MRTFB: variants seen among roughly 807,000 people sequenced by gnomAD.
The protein encoded by MRTFB is myocardin-related transcription factor B.
In MRTFB, 29 loss-of-function variants were observed where a neutral mutation model predicts 104.2. The ratio of observed to expected loss-of-function variants is 0.28; its 90% CI spans 0.21 to 0.38. MRTFB has a LOEUF of 0.38. MRTFB is among the 10% of genes least tolerant of loss of function. The pLI is 1.00. For synonymous variants in MRTFB, 535 were observed against 519.5 expected, an observed-to-expected ratio of 1.03 and a Z score of -0.41; for missense variants, 1,270 against 1,341.6, an observed-to-expected ratio of 0.95 and a Z score of 0.83.
chr16:14,233,504 T>C lies in MRTFB; in HGVS notation c.694-642T>C, dbSNP rs564691040. Reference sequence around the variant, plus strand: ...AAAGGGACTTTATGAATACCATGTATTGACCAGGCACAGTGGCTCATGGGT... The same window carrying C: ...AAAGGGACTTTATGAATACCATGTACTGACCAGGCACAGTGGCTCATGGGT... On this transcript the variant is annotated intron_variant, in intron 8 of 16. Coordinates refer to ENST00000571589, the MANE Select transcript of MRTFB (RefSeq NM_001308142.2). 2.4e-4 allele frequency among the ~76,000 whole-genome samples: 37 copies of C among 152,182 alleles called. No homozygotes were observed. In the South Asian group the frequency reaches 7.3e-3, roughly 30 times the overall value.
At chr16:14,179,917 C>G (rs1207232684) in intron 3 of MRTFB, among the ~76,000 whole-genome samples, 1 of 152,176 alleles carries the variant, frequency 6.6e-6, no homozygotes, top group Non-Finnish European at 1.5e-5. Context: ...CGGTGAGACG[C>G]TCAAGTGCAT....
Position 14,218,951 on chromosome 16 carries a change from A to C in MRTFB, c.646A>C (p.Lys216Gln). Residue 216 changes from lysine to glutamine, a missense_variant, in exon 8 of 17, where the codon AAA (lysine) becomes CAA (glutamine). By Grantham distance (53) the Lys-to-Gln change is moderately conservative (BLOSUM62 1). Coordinates refer to ENST00000571589, the MANE Select transcript of MRTFB (RefSeq NM_001308142.2). ...GTCAGCCGCGTCCCCAAGTGAGCCA[A>C]AAGTTAGTGAATCGCCATCTCCTGT... The part of the protein sequence containing the change: ...QGSAASPSEP[K>Q]VSESPSPVTT... 6.2e-7 allele frequency: 1 copy of C among 1,614,110 alleles called. No individual in the cohort carries two copies. Among genetic ancestry groups the C allele is most frequent in the Non-Finnish European group, 8.5e-7 (1 of 1,179,988 alleles).
At chr16:14,115,523 G>T (rs533470320) in intron 2 of MRTFB, among the ~76,000 whole-genome samples, 1 of 152,228 alleles carries the variant, frequency 6.6e-6, no homozygotes, top group African/African-American at 2.4e-5. Context: ...CCTTGTACAG[G>T]TCCTCAACAC....
intron 3 of MRTFB, among the ~76,000 whole-genome samples, chr16:14,149,829 T>C (rs2038522246): frequency 6.6e-6 from 1 of 152,188 alleles, no homozygotes; most frequent in African/African-American, 2.4e-5. Flanking sequence ...TGTGGATAAC[T>C]GAAAAAGAAG....
intron 9 of MRTFB, among the ~76,000 whole-genome samples, chr16:14,234,589 T>A (rs1221424687): frequency 6.6e-6 from 1 of 151,412 alleles, no homozygotes; most frequent in East Asian, 1.9e-4. Context: ...AGGCCAGGAG[T>A]TTAAGAACAG....
chr16:14,260,816 G>T, intron 16 of MRTFB, 93 bp from the exon 17 acceptor site: 3 of 1,052,378 alleles, frequency 2.9e-6, no homozygotes, highest in Non-Finnish European at 4.1e-6. Flanking sequence ...AGAAGGAATC[G>T]CATAATAGCA....
chr16:14,200,532 G>C (rs2040647958), intron 3 of MRTFB: 1 of 1,608,822 alleles, frequency 6.2e-7, no homozygotes, highest in Non-Finnish European at 8.5e-7. Context: ...TTGCTCAGCA[G>C]CAGCTTTATT....
intron 1 of MRTFB, among the ~76,000 whole-genome samples, chr16:14,073,769 C>G (rs1328817726): frequency 6.6e-6 from 1 of 152,218 alleles, no homozygotes; most frequent in Non-Finnish European, 1.5e-5. Context: ...ATAGCTTCTT[C>G]TGCTTACTAA....
intron 1 of MRTFB, among the ~76,000 whole-genome samples, chr16:14,075,466 A>C (rs1486791776): frequency 6.6e-6 from 1 of 152,250 alleles, no homozygotes; most frequent in African/African-American, 2.4e-5. Context: ...GAACATATAA[A>C]AATCACGGGA....
chr16:13,998,326 A>G, the MRTFB span, among the ~76,000 whole-genome samples: 1 of 152,160 alleles, frequency 6.6e-6, no homozygotes, highest in Non-Finnish European at 1.5e-5. Flanking sequence ...TGGGATTCTT[A>G]GAACTTAGAG....
chr16:14,002,549 T>C, the MRTFB span, among the ~76,000 whole-genome samples: 175 of 152,314 alleles, frequency 1.1e-3, no homozygotes, highest in Non-Finnish European at 2.1e-3. Context: ...GTACATTTCA[T>C]GTAAGTTGCC....
At chr16:14,229,135 C>T (rs2042146042) in intron 8 of MRTFB, among the ~76,000 whole-genome samples, 1 of 152,118 alleles carries the variant, frequency 6.6e-6, no homozygotes, top group South Asian at 2.1e-4. Flanking sequence ...ATCCTCACTA[C>T]CAATCAGGTC....
chr16:14,190,054 A>G (rs2040107994), intron 3 of MRTFB, among the ~76,000 whole-genome samples: 1 of 152,242 alleles, frequency 6.6e-6, no homozygotes, highest in Non-Finnish European at 1.5e-5. Context: ...AGTTGTCATC[A>G]CAGTGCAGAG....
At chr16:14,076,438 A>G (rs1425119191) in intron 1 of MRTFB, among the ~76,000 whole-genome samples, 1 of 152,094 alleles carries the variant, frequency 6.6e-6, no homozygotes, top group Non-Finnish European at 1.5e-5. Flanking sequence ...CAGGTTATCC[A>G]CCTGCATCGG....
intron 2 of MRTFB, among the ~76,000 whole-genome samples, chr16:14,120,341 C>A (rs1423824107): frequency 1.3e-5 from 2 of 152,196 alleles, no homozygotes; most frequent in African/African-American, 4.8e-5. Flanking sequence ...GTGCTTTTTA[C>A]ATCATGTTTA....
At chr16:14,108,694 C>T (rs1240333846) in intron 2 of MRTFB, among the ~76,000 whole-genome samples, 2 of 152,162 alleles carry the variant, frequency 1.3e-5, no homozygotes, top group Non-Finnish European at 2.9e-5. Context: ...AGAGAATACT[C>T]AGTTATTTCT....
At chr16:14,031,361 C>A in the MRTFB span, among the ~76,000 whole-genome samples, 2 of 151,392 alleles carry the variant, frequency 1.3e-5, no homozygotes, top group African/African-American at 2.4e-5. Flanking sequence ...GCCACTGCGC[C>A]CCAGCCTGGG....
chr16:14,105,523 G>A (rs1031112933), intron 2 of MRTFB, among the ~76,000 whole-genome samples: 8 of 151,684 alleles, frequency 5.3e-5, no homozygotes, highest in African/African-American at 1.5e-4. Context: ...TCAGCCTCCC[G>A]AGTAGCTGGA....
intron 9 of MRTFB, among the ~76,000 whole-genome samples, chr16:14,234,877 A>G (rs2151323130): frequency 6.6e-6 from 1 of 152,348 alleles, no homozygotes; most frequent in South Asian, 2.1e-4. Flanking sequence ...GAAACAAGAG[A>G]AAAACAGATT....
Sources: allele counts gnomAD v4.1 joint callset (sites outside exome capture counted in the v4.1 genomes callset), GRCh38; gene constraint gnomAD v4.1.1; transcripts MANE v1.5; gene names NCBI Gene and HGNC (gene_info 2026-07-23, HGNC 2026-07-21).